SVIL: variants seen among roughly 807,000 people sequenced by gnomAD.
SVIL encodes supervillin, also known as archvillin.
SVIL carries 101 observed loss-of-function variants against 240.4 expected under a neutral mutation model. The observed-to-expected ratio is 0.42, with a 90% CI of 0.36 to 0.50. The LOEUF is 0.50. Ranked by LOEUF, SVIL falls within the 20% of genes least tolerant of loss-of-function variation. The probability of loss-of-function intolerance (pLI) is 0.01; values close to 1 mark genes in which losing one functional copy is unlikely to be tolerated. For missense variants in SVIL, 2,512 were observed against 2,818.7 expected, an observed-to-expected ratio of 0.89 and a Z score of 2.46; for synonymous variants, 999 against 1,100.0, an observed-to-expected ratio of 0.91 and a Z score of 1.82.
intron 17 of SVIL, among the ~76,000 whole-genome samples, chr10:29,503,299 A>G (rs945727887): frequency 2.6e-5 from 4 of 152,252 alleles, no homozygotes; most frequent in Non-Finnish European, 5.9e-5. Context: ...CTCAGACCTC[A>G]AAGTAAGTGT....
chr10:29,553,424 C>T (rs1953572887), intron 5 of SVIL, among the ~76,000 whole-genome samples: 1 of 151,892 alleles, frequency 6.6e-6, no homozygotes, highest in South Asian at 2.1e-4. Context: ...ACTAAAAATA[C>T]AAAAAAATTA....
intron 1 of SVIL, among the ~76,000 whole-genome samples, chr10:29,702,231 G>C (rs12781469): frequency 0.046 from 6,701 of 146,450 alleles, 214 homozygotes; most frequent in Non-Finnish European, 0.068. Flanking sequence ...ACAATGAACT[G>C]TCCCATACTA....
chr10:29,465,770 A>G lies in SVIL; in HGVS notation c.5978-20T>C, dbSNP rs994873828. 5.6e-6 allele frequency: 9 copies of G among 1,609,146 alleles called. No individual in the cohort carries two copies. The highest frequency in any genetic ancestry group is 4.5e-4 in the Middle Eastern group (2 of 4,474). On this transcript the variant is annotated intron_variant, in intron 33 of 37. Coordinates refer to ENST00000355867, the MANE Select transcript of SVIL (RefSeq NM_021738.3). ...CAGGATCTTTGAAAGAAAAGAGAAC[A>G]AAGCTGAAGATATCATGTGCATCAA...
intron 3 of SVIL, among the ~76,000 whole-genome samples, chr10:29,646,728 G>A (rs1051684052): frequency 2.0e-5 from 3 of 152,184 alleles, no homozygotes; most frequent in Admixed American, 6.5e-5. Flanking sequence ...ATTAATGCCA[G>A]GCTGCAGTAG....
rs550220903 is a variant in SVIL, at chr10:29,670,396, GA to G, written c.-300-12329del. 2.8e-3 allele frequency among the ~76,000 whole-genome samples: 427 copies of G among 152,276 alleles called. 3 individuals carry two copies. Among genetic ancestry groups the G allele is most frequent in the Admixed American group, 5.0e-3 (77 of 15,298 alleles). On this transcript the variant is annotated intron_variant, in intron 2 of 35. Coordinates refer to the SVIL transcript ENST00000375400. Reference sequence around the variant, plus strand: ...TTATAAAATAGATCAACAATGCTTTGAAGAGCCCCTTTATTTAACCCTTGCT... The same window carrying G: ...TTATAAAATAGATCAACAATGCTTTGAGAGCCCCTTTATTTAACCCTTGCT...
At position 29,473,904 on chromosome 10, in the gene SVIL, G is replaced by A. The variant is rs779630113; in HGVS notation, c.5463C>T (p.Ser1821=). The A allele has an allele frequency of 1.1e-5, 18 of 1,613,900 alleles. No individual in the cohort carries two copies. The highest frequency in any genetic ancestry group is 1.4e-5 in the Non-Finnish European group (16 of 1,180,008). Reference sequence around the variant, plus strand: ...CCGACGTGCCCTTCTCACTCACGGTGGAGTGCCGGCCTTGCCAGAAGAAGT... The same window carrying A: ...CCGACGTGCCCTTCTCACTCACGGTAGAGTGCCGGCCTTGCCAGAAGAAGT... ...CVYFFWQGRH[S]TVSEKGTSAL... The change falls in exon 30 of 38, where the codon TCC becomes TCT. Residue 1821 remains serine (S), a synonymous_variant. Coordinates refer to ENST00000355867, the MANE Select transcript of SVIL (RefSeq NM_021738.3).
intron 2 of SVIL, among the ~76,000 whole-genome samples, chr10:29,671,931 A>ACC: frequency 6.6e-6 from 1 of 152,192 alleles, no homozygotes; most frequent in Middle Eastern, 3.2e-3. Context: ...GGTCAGTCTG[A>ACC]ATCTCTATTA....
chr10:29,471,367 C>T, intron 30 of SVIL, 124 bp from the exon 31 acceptor site: 3 of 715,928 alleles, frequency 4.2e-6, no homozygotes, highest in Non-Finnish European at 6.8e-6. Context: ...CCATTGCTAA[C>T]ACTACCACCT....
rs144420594 is a variant in SVIL, at chr10:29,527,039, G to A, written c.2264C>T (p.Ser755Leu). Residue 755 changes from serine to leucine, a missense_variant, in exon 13 of 38, where the codon TCG becomes TTG. By Grantham distance (145) the Ser-to-Leu change is moderately radical. Transcript: ENST00000355867. ...VIAATEPIPA[S>L]CSGGTHPVMA... is the part of the protein sequence containing the mutation. ...TACAGGGTGGGTGCCCCCAGAACAC[G>A]AAGCGGGGATAGGTTCACTTTAAAA... 2.1e-5 allele frequency: 34 copies of A among 1,613,798 alleles called. No homozygotes were observed. The African/African-American group carries it at 2.1e-4, about 10-fold the overall frequency.
intron 1 of SVIL, among the ~76,000 whole-genome samples, chr10:29,613,905 A>G (rs1346275897): frequency 6.6e-6 from 1 of 152,202 alleles, no homozygotes; most frequent in African/African-American, 2.4e-5. Context: ...CAAAAGCCCA[A>G]CGAACTCATC....
At chr10:29,549,700 G>T (rs12569924) in intron 6 of SVIL, among the ~76,000 whole-genome samples, 35,745 of 113,632 alleles carry the variant, frequency 0.31, 5,267 homozygotes, top group East Asian at 0.33. Flanking sequence ...CCATAAAAAA[G>T]GATGAGTTCA....
chr10:29,655,483 G>A (rs530150300), intron 3 of SVIL, among the ~76,000 whole-genome samples: 10 of 152,232 alleles, frequency 6.6e-5, no homozygotes, highest in African/African-American at 1.4e-4. Flanking sequence ...CTACTGCTTC[G>A]CTCTTGCCAT....
At chr10:29,687,954 A>G (rs1355606328) in intron 1 of SVIL, among the ~76,000 whole-genome samples, 1 of 152,134 alleles carries the variant, frequency 6.6e-6, no homozygotes, top group African/African-American at 2.4e-5. Flanking sequence ...TTTCTTGCCC[A>G]ATAACCGCCC....
upstream of SVIL, among the ~76,000 whole-genome samples, chr10:29,635,301 AG>A (rs1958270372): frequency 6.6e-6 from 1 of 152,224 alleles, no homozygotes; most frequent in Non-Finnish European, 1.5e-5. Context: ...CCCAAAAGTA[AG>A]TAACAGACAT....
intron 1 of SVIL, among the ~76,000 whole-genome samples, chr10:29,714,948 T>TAAAAAAAAAAAAAAAAAAAAAAAAAAA (rs61107910): frequency 5.1e-5 from 4 of 78,374 alleles, no homozygotes; most frequent in African/African-American, 9.4e-5. Flanking sequence ...TGTCTGAAAT[T>TAAAAAAAAAAAAAAAAAAAAAAAAAAA]AAAAAAAAAA....
chr10:29,492,337 C>T (rs1010043510), intron 21 of SVIL, among the ~76,000 whole-genome samples: 4 of 152,078 alleles, frequency 2.6e-5, no homozygotes, highest in Admixed American at 1.3e-4. Context: ...GCCAGGGAGG[C>T]AGCCTTGTGA....
chr10:29,687,680 C>T (rs953601180), intron 1 of SVIL, among the ~76,000 whole-genome samples: 3 of 152,184 alleles, frequency 2.0e-5, no homozygotes, highest in Non-Finnish European at 2.9e-5. Context: ...TCTCAATAAA[C>T]AAACAAACAA....
chr10:29,709,608 T>C, intron 1 of SVIL, among the ~76,000 whole-genome samples: 1 of 152,190 alleles, frequency 6.6e-6, no homozygotes, highest in East Asian at 1.9e-4. Context: ...CTATGGGGTA[T>C]GCTCTCACCA....
At chr10:29,583,083 T>C (rs1956020309) in intron 1 of SVIL, among the ~76,000 whole-genome samples, 1 of 152,186 alleles carries the variant, frequency 6.6e-6, no homozygotes. Context: ...ATATATAAAA[T>C]GTCTGTTGGT....
Sources: gnomAD v4.1 joint callset for allele counts (sites outside exome capture counted in the v4.1 genomes callset) on GRCh38, gnomAD v4.1.1 for gene constraint, MANE v1.5 for transcripts, NCBI Gene and HGNC (gene_info 2026-07-23, HGNC 2026-07-21) for gene names.